Variants in PAH observed in about 807,000 individuals in gnomAD.
The protein encoded by PAH is phenylalanine hydroxylase, also known as phenylalanine-4-hydroxylase.
PAH carries 64 observed loss-of-function variants against 62.0 expected under a neutral mutation model. The ratio of observed to expected loss-of-function variants is 1.03; its 90% CI spans 0.84 to 1.27. The LOEUF is 1.27. Among genes scored for constraint, PAH ranks in the 50% most tolerant of loss-of-function variants. The pLI, the probability that PAH is intolerant of heterozygous loss-of-function variation, is 0.00. For synonymous variants in PAH, 195 were observed against 196.2 expected, an observed-to-expected ratio of 0.99 and a Z score of 0.05; for missense variants, 579 against 542.8, an observed-to-expected ratio of 1.07 and a Z score of -0.66.
chr12:102,931,825 C>T (rs948518795), intron 1 of PAH, among the ~76,000 whole-genome samples: 7 of 152,098 alleles, frequency 4.6e-5, no homozygotes, highest in Admixed American at 1.3e-4. Flanking sequence ...TAGAACCCAC[C>T]ACTTTGTTGG....
chr12:102,949,294 A>G (rs1879639842), intron 1 of PAH, among the ~76,000 whole-genome samples: 1 of 152,150 alleles, frequency 6.6e-6, no homozygotes, highest in Admixed American at 6.5e-5. Flanking sequence ...ACCAGCAAGG[A>G]CTGGTCTCAC....
chr12:102,914,568 C>G (rs534817463), intron 1 of PAH: 1 of 152,272 alleles, frequency 6.6e-6, no homozygotes, highest in Non-Finnish European at 1.5e-5. Flanking sequence ...CCCTTTTAAA[C>G]CCTGCCAGAG....
intron 5 of PAH, among the ~76,000 whole-genome samples, chr12:102,860,369 T>C (rs1034009726): frequency 2.0e-5 from 3 of 152,224 alleles, no homozygotes; most frequent in Admixed American, 6.5e-5. Context: ...TCCATGCTCA[T>C]GGACAGGAAG....
intron 1 of PAH, among the ~76,000 whole-genome samples, chr12:102,941,006 G>A (rs774370063): frequency 2.0e-5 from 3 of 152,166 alleles, no homozygotes; most frequent in Non-Finnish European, 4.4e-5. Context: ...AGAAGAGATT[G>A]GGGATCTATA....
rs538218773 is a variant in PAH, at chr12:102,883,151, G to A, written c.353-5601C>T. ...TTGAGTTTCATATTCAGAGACCTGT[G>A]GGATCCTCTGAAGGGCTGAGGCTGG... On this transcript the variant is annotated intron_variant, in intron 3 of 12. Coordinates refer to ENST00000553106, the MANE Select transcript of PAH (RefSeq NM_000277.3). 2.2e-4 allele frequency among the ~76,000 whole-genome samples: 34 copies of A among 152,264 alleles called. 1 individual carries two copies. The South Asian group carries it at 6.2e-3, about 28-fold the overall frequency.
chr12:102,919,120 G>A (rs1166862843), upstream of PAH, among the ~76,000 whole-genome samples: 3 of 152,192 alleles, frequency 2.0e-5, no homozygotes, highest in Non-Finnish European at 2.9e-5. Flanking sequence ...CTGAGGCCTA[G>A]GAAGTTTAAA....
At chr12:102,862,368 AG>A (rs1275184149) in intron 5 of PAH, among the ~76,000 whole-genome samples, 2 of 152,106 alleles carry the variant, frequency 1.3e-5, no homozygotes, top group African/African-American at 4.8e-5. Flanking sequence ...AGACACATAG[AG>A]GGGAACAACA....
chr12:102,857,891 T>C (rs1875515515), intron 5 of PAH, among the ~76,000 whole-genome samples: 2 of 152,264 alleles, frequency 1.3e-5, no homozygotes, highest in Non-Finnish European at 2.9e-5. Context: ...TAAAGACCAT[T>C]GATTCCGGGA....
intron 9 of PAH, among the ~76,000 whole-genome samples, chr12:102,844,740 T>A (rs573302036): frequency 6.6e-6 from 1 of 152,156 alleles, no homozygotes; most frequent in Non-Finnish European, 1.5e-5. Flanking sequence ...CCCTTAGACA[T>A]CAGAACTCCA....
chr12:102,890,618 T>C (rs1460459213), intron 3 of PAH, among the ~76,000 whole-genome samples: 1 of 152,178 alleles, frequency 6.6e-6, no homozygotes, highest in Non-Finnish European at 1.5e-5. Context: ...TTTTAAAGGG[T>C]TGGTCTTAGC....
chr12:102,855,363 A>G, intron 5 of PAH, 31 bp from the exon 6 acceptor site: 1 of 1,600,126 alleles, frequency 6.2e-7, no homozygotes, highest in Non-Finnish European at 8.6e-7. Context: ...AGGTGTCTCA[A>G]GCAGGGCAGG....
chr12:102,924,159 T>G (rs957443527), intron 1 of PAH, among the ~76,000 whole-genome samples: 1 of 152,196 alleles, frequency 6.6e-6, no homozygotes, highest in Non-Finnish European at 1.5e-5. Flanking sequence ...ACATCTCTAG[T>G]GAAATTCTCT....
At chr12:102,933,073 CA>C (rs1414690372) in intron 1 of PAH, among the ~76,000 whole-genome samples, 1 of 152,146 alleles carries the variant, frequency 6.6e-6, no homozygotes, top group Non-Finnish European at 1.5e-5. Context: ...AGACGTTTTT[CA>C]TTCTATATCA....
intron 1 of PAH, among the ~76,000 whole-genome samples, chr12:102,913,101 C>G (rs1382099394): frequency 6.6e-6 from 1 of 152,130 alleles, no homozygotes; most frequent in African/African-American, 2.4e-5. Context: ...AATGATGCTA[C>G]TGGGTCAGTT....
At chr12:102,871,940 AAAAAAAAAAATATATATATATAT>A (rs1375759660) in intron 4 of PAH, among the ~76,000 whole-genome samples, 42 of 7,256 alleles carry the variant, frequency 5.8e-3, no homozygotes, top group Middle Eastern at 0.12. Flanking sequence ...AAAAAAAAAA[AAAAAAAAAAATATATATATATAT>A]ATATATATAT....
chr12:102,867,377 G>C (rs1365317508), intron 4 of PAH, among the ~76,000 whole-genome samples: 1 of 152,206 alleles, frequency 6.6e-6, no homozygotes, highest in African/African-American at 2.4e-5. Flanking sequence ...CTCCTCTGAA[G>C]CTGATTCACA....
At chr12:102,895,023 C>G in intron 2 of PAH, 105 bp from the exon 3 acceptor site, 1 of 832,324 alleles carries the variant, frequency 1.2e-6, no homozygotes, top group Non-Finnish European at 2.0e-6. Context: ...ATGGAGAGTT[C>G]AAGAATACAA....
intron 2 of PAH, among the ~76,000 whole-genome samples, chr12:102,899,856 C>A (rs1877669396): frequency 1.5e-4 from 2 of 13,566 alleles, no homozygotes; most frequent in East Asian, 6.0e-3. Context: ...GAGACTCCGT[C>A]TCAAAAAAAA....
chr12:102,941,456 C>T (rs1040739919), intron 1 of PAH, among the ~76,000 whole-genome samples: 1 of 151,910 alleles, frequency 6.6e-6, no homozygotes, highest in Non-Finnish European at 1.5e-5. Flanking sequence ...GTAAAAAGAT[C>T]GAGAAAGATC....
Sources: allele counts gnomAD v4.1 joint callset (sites outside exome capture counted in the v4.1 genomes callset), GRCh38; gene constraint gnomAD v4.1.1; transcripts MANE v1.5; gene names NCBI Gene and HGNC (gene_info 2026-07-23, HGNC 2026-07-21).